Variants in COBL observed in about 807,000 individuals in gnomAD.
COBL encodes the protein cordon-bleu WH2 repeat protein.
COBL carries 51 observed loss-of-function variants against 98.8 expected under a neutral mutation model. That is an observed-to-expected ratio of 0.52 (90% CI 0.41 to 0.65). COBL has a LOEUF of 0.65. COBL is among the 30% of genes least tolerant of loss of function. The pLI, the probability that COBL is intolerant of heterozygous loss-of-function variation, is 0.00. For synonymous variants in COBL, 634 were observed against 651.7 expected (o/e 0.97, Z 0.41); for missense variants, 1,617 against 1,617.5 (o/e 1.00, Z 0.01).
intron 12 of COBL, among the ~76,000 whole-genome samples, chr7:51,021,749 A>G (rs1284080045): frequency 6.6e-6 from 1 of 152,186 alleles, no homozygotes; most frequent in African/African-American, 2.4e-5. Flanking sequence ...AGACAATATA[A>G]CCTCCAGGAT....
intron 7 of COBL, among the ~76,000 whole-genome samples, chr7:51,075,770 G>A (rs1189568635): frequency 2.0e-5 from 3 of 152,104 alleles, no homozygotes; most frequent in Non-Finnish European, 4.4e-5. Context: ...GGCTCATAAG[G>A]TTTTTTTGAA....
chr7:51,303,556 A>G (rs1036218587), intron 1 of COBL, among the ~76,000 whole-genome samples: 2 of 152,158 alleles, frequency 1.3e-5, no homozygotes, highest in Non-Finnish European at 2.9e-5. Flanking sequence ...TCTAGCAAAA[A>G]CAGACTCATT....
At chr7:51,309,190 T>A (rs529562947) in intron 1 of COBL, among the ~76,000 whole-genome samples, 1 of 152,236 alleles carries the variant, frequency 6.6e-6, no homozygotes, top group Middle Eastern at 3.4e-3. Flanking sequence ...TTAAGGACGA[T>A]GTGATTATGG....
At chr7:51,104,767 G>T (rs924247028) in intron 6 of COBL, among the ~76,000 whole-genome samples, 1 of 152,146 alleles carries the variant, frequency 6.6e-6, no homozygotes, top group Non-Finnish European at 1.5e-5. Flanking sequence ...AGGGTCCTGA[G>T]AGAATTCAGT....
At chr7:51,196,689 G>A (rs1464635289) in intron 2 of COBL, among the ~76,000 whole-genome samples, 5 of 151,402 alleles carry the variant, frequency 3.3e-5, no homozygotes, top group African/African-American at 4.9e-5. Context: ...ATTTATTACT[G>A]ATTCTATTTC....
chr7:51,174,592 G>A (rs1414305472), intron 5 of COBL, among the ~76,000 whole-genome samples: 1 of 152,064 alleles, frequency 6.6e-6, no homozygotes, highest in Non-Finnish European at 1.5e-5. Flanking sequence ...TCTGCTATGT[G>A]GGCTCCAGTC....
chr7:51,206,503 AAAAG>A (rs1415813703), intron 2 of COBL, among the ~76,000 whole-genome samples: 4 of 152,038 alleles, frequency 2.6e-5, no homozygotes, highest in African/African-American at 9.7e-5. Context: ...AAAAAAAAAA[AAAAG>A]AAAGAAAATG....
At chr7:51,034,630 G>C (rs1244852742) in intron 8 of COBL, 1 of 152,226 alleles carries the variant, frequency 6.6e-6, no homozygotes, top group Non-Finnish European at 1.5e-5. Context: ...AAAACCACCA[G>C]ATTTATGCCC....
At chr7:51,150,573 G>T (rs1056636420) in intron 5 of COBL, among the ~76,000 whole-genome samples, 5 of 152,188 alleles carry the variant, frequency 3.3e-5, no homozygotes, top group Non-Finnish European at 7.3e-5. Context: ...GTTTCCTGGA[G>T]AAACTATGGG....
At chr7:51,160,455 A>C (rs954812460) in intron 5 of COBL, among the ~76,000 whole-genome samples, 1 of 152,194 alleles carries the variant, frequency 6.6e-6, no homozygotes, top group Non-Finnish European at 1.5e-5. Context: ...TTCATAAAGA[A>C]AACCTCCCAA....
chr7:51,190,754 G>A (rs1190632765), intron 4 of COBL, 96 bp downstream of exon 4: 9 of 940,956 alleles, frequency 9.6e-6, no homozygotes, highest in Admixed American at 2.1e-5. Flanking sequence ...TCTCCCTGGC[G>A]CTACTGAGAG....
At chr7:51,282,020 A>T (rs1216926836) in intron 1 of COBL, among the ~76,000 whole-genome samples, 1 of 152,118 alleles carries the variant, frequency 6.6e-6, no homozygotes, top group East Asian at 1.9e-4. Flanking sequence ...TAATCCCTAG[A>T]AAACCCACGA....
intron 1 of COBL, among the ~76,000 whole-genome samples, chr7:51,297,856 G>T (rs905175592): frequency 6.6e-6 from 1 of 152,162 alleles, no homozygotes; most frequent in Non-Finnish European, 1.5e-5. Flanking sequence ...TTTTTAATGC[G>T]TCTTCACTAG....
chr7:51,073,572 G>A (rs969472891), intron 7 of COBL, among the ~76,000 whole-genome samples: 2 of 152,030 alleles, frequency 1.3e-5, no homozygotes, highest in African/African-American at 4.8e-5. Context: ...CTGTGGAAAG[G>A]GCCTATTGAT....
chr7:51,097,496 G>A (rs1268421716), intron 6 of COBL, among the ~76,000 whole-genome samples: 2 of 152,080 alleles, frequency 1.3e-5, no homozygotes, highest in Non-Finnish European at 2.9e-5. Context: ...AATTGAAAAC[G>A]GAAGAAGTGA....
At position 51,254,474 on chromosome 7, in the gene COBL, T is replaced by G. The variant is rs946273392; in HGVS notation, c.42-34530A>C. 7.2e-5 allele frequency among the ~76,000 whole-genome samples: 11 copies of G among 152,294 alleles called. 1 individual carries two copies. The South Asian group carries it at 2.3e-3, about 32-fold the overall frequency. On this transcript the variant is annotated intron_variant, in intron 1 of 12. Coordinates refer to ENST00000265136, the MANE Select transcript of COBL (RefSeq NM_015198.5). ...TTCAACATCAAATCTAAAACTGAAC[T>G]AAACCAAACCAAAACAAATTGGCCA...
chr7:51,148,732 C>A (rs547401826), intron 5 of COBL, among the ~76,000 whole-genome samples: 1 of 152,276 alleles, frequency 6.6e-6, no homozygotes, highest in South Asian at 2.1e-4. Context: ...GATCCACTCC[C>A]CTGAATACCC....
At chr7:51,152,834 G>C (rs980086283) in intron 5 of COBL, among the ~76,000 whole-genome samples, 3 of 152,198 alleles carry the variant, frequency 2.0e-5, no homozygotes, top group Admixed American at 6.5e-5. Context: ...TGGTCTTAGG[G>C]ACATTTCTGT....
intron 6 of COBL, among the ~76,000 whole-genome samples, chr7:51,122,966 G>C (rs1284118095): frequency 5.5e-5 from 8 of 145,972 alleles, no homozygotes; most frequent in Non-Finnish European, 8.9e-5. Flanking sequence ...CTGGGCGACA[G>C]AGCGAGACTC....
Sources: gnomAD v4.1 joint callset for allele counts (sites outside exome capture counted in the v4.1 genomes callset) on GRCh38, gnomAD v4.1.1 for gene constraint, MANE v1.5 for transcripts, NCBI Gene and HGNC (gene_info 2026-07-23, HGNC 2026-07-21) for gene names.